The following COL5A1 variants were observed in gnomAD, a reference collection of about 807,000 sequenced individuals.
COL5A1 encodes collagen alpha-1(V) chain.
In COL5A1, 16 loss-of-function variants were observed where a neutral mutation model predicts 263.7. The ratio of observed to expected loss-of-function variants is 0.06; its 90% confidence interval spans 0.04 to 0.09. The LOEUF (loss-of-function observed/expected upper bound fraction) is 0.09, where lower values mean the gene tolerates loss of function less well. COL5A1 is among the 10% of genes least tolerant of loss of function. COL5A1 has a pLI of 1.00. For missense variants in COL5A1, 2,036 were observed against 2,540.5 expected (o/e 0.80, Z 4.27); for synonymous variants, 1,012 against 1,004.5 (o/e 1.01, Z -0.14).
At chr9:134,734,195 A>G (rs1835011140) in intron 9 of COL5A1, among the ~76,000 whole-genome samples, 1 of 152,020 alleles carries the variant, frequency 6.6e-6, no homozygotes, top group South Asian at 2.1e-4. Flanking sequence ...GGCCAAGGAG[A>G]GGGCCGAGAG....
intron 11 of COL5A1, among the ~76,000 whole-genome samples, chr9:134,750,055 C>T (rs1835717087): frequency 6.6e-6 from 1 of 152,184 alleles, no homozygotes; most frequent in African/African-American, 2.4e-5. Context: ...GCTGCTCCAT[C>T]CCGTCTTCCA....
rs1161100448 is a variant in COL5A1 at position 134,822,167 on chromosome 9, G to T, written c.4608+17G>T. Reference sequence around the variant, plus strand: ...GGCCTGCCGGTGTGTATCTGGGAGGGGCTTGGTCATTCCTGGGAGGGCAGG... The same window carrying T: ...GGCCTGCCGGTGTGTATCTGGGAGGTGCTTGGTCATTCCTGGGAGGGCAGG... On this transcript the variant is annotated intron_variant, in intron 59 of 65. Coordinates refer to ENST00000371817, the MANE Select transcript of COL5A1 (RefSeq NM_000093.5). The T allele has an allele frequency of 1.9e-6, 3 of 1,606,618 alleles. No homozygotes were observed. The African/African-American group carries it at 4.0e-5, about 21-fold the overall frequency.
Position 134,696,632 on chromosome 9 carries a change from G to A in COL5A1, c.278-3277G>A, listed in dbSNP as rs867678500. ...ATTAGGGGATCAGTCACTGTTTATT[G>A]ATCACGTGATCCACTGTAGTGAGCA... On this transcript the variant is annotated intron_variant, in intron 2 of 65. Transcript: ENST00000371817. The surrounding 1 kb of genome is among the most constrained non-coding windows in gnomAD (Gnocchi z 4.3). Among the ~76,000 whole-genome samples, 47 of 152,184 alleles carry A rather than the reference G, an allele frequency of 3.1e-4. No individual in the cohort carries two copies. Among genetic ancestry groups the A allele is most frequent in the Admixed American group, 1.6e-3 (25 of 15,272 alleles).
intron 4 of COL5A1, 69 bp downstream of exon 4, chr9:134,701,402 T>G (rs1346591800): frequency 6.6e-7 from 1 of 1,520,410 alleles, no homozygotes. Context: ...CTGTGACTGC[T>G]GTTGGAGGAG....
intron 39 of COL5A1, 33 bp downstream of exon 39, chr9:134,803,028 GCGTTT>G: frequency 6.6e-7 from 1 of 1,521,740 alleles, no homozygotes; most frequent in Non-Finnish European, 9.0e-7. Context: ...GTCAGCTCAG[GCGTTT>G]CCTCAGGAAT....
intron 11 of COL5A1, among the ~76,000 whole-genome samples, chr9:134,749,712 A>G (rs1347216271): frequency 1.3e-5 from 2 of 152,172 alleles, no homozygotes; most frequent in Non-Finnish European, 2.9e-5. Context: ...TAGTTGGTGG[A>G]GGCTTTTCTC....
rs1035591954 is a variant in COL5A1 at position 134,665,280 on chromosome 9, C to T, written c.109+22984C>T. Among the ~76,000 whole-genome samples, 13 of 152,266 alleles carry T rather than the reference C, an allele frequency of 8.5e-5. No individual in the cohort carries two copies. The East Asian group carries it at 1.2e-3, about 14-fold the overall frequency. On this transcript the variant is annotated intron_variant, in intron 1 of 65. Transcript: ENST00000371817. ...TCCCAGAATGTTTCCTGCAGATATA[C>T]GTGTGTGTGGAGAACCGCTGTGCAG...
chr9:134,747,930 CACACATGCATTCAT>C (rs1304051389), intron 11 of COL5A1, among the ~76,000 whole-genome samples: 5 of 145,676 alleles, frequency 3.4e-5, no homozygotes, highest in East Asian at 2.1e-4. Context: ...TGCATTCATA[CACACATGCATTCAT>C]ACACATGCAG....
chr9:134,827,295 A>G (rs1419907608), intron 63 of COL5A1, among the ~76,000 whole-genome samples: 2 of 152,186 alleles, frequency 1.3e-5, no homozygotes, highest in Non-Finnish European at 2.9e-5. Context: ...TTGGGTTAGG[A>G]GCCCACTGGC....
chr9:134,716,608 C>T lies in COL5A1; in HGVS notation c.655-10658C>T, dbSNP rs571164923. Among the ~76,000 whole-genome samples, 13 of 152,238 alleles carry T rather than the reference C, an allele frequency of 8.5e-5. No individual in the cohort carries two copies. The South Asian group carries it at 2.7e-3, about 32-fold the overall frequency. On this transcript the variant is annotated intron_variant, in intron 4 of 65. Coordinates refer to ENST00000371817, the MANE Select transcript of COL5A1 (RefSeq NM_000093.5). The surrounding 1 kb of genome is among the most constrained non-coding windows in gnomAD (Gnocchi z 4.5). ...AAGTCTTTGAGGAGGTGGACCTGCC[C>T]CCCAGCCCCTGCCATTGGTGCTGCC...
chr9:134,764,750 C>T (rs1836596039), intron 20 of COL5A1, among the ~76,000 whole-genome samples: 1 of 152,142 alleles, frequency 6.6e-6, no homozygotes, highest in African/African-American at 2.4e-5. Context: ...AATTATACCC[C>T]AGATGTCTGA....
intron 30 of COL5A1, among the ~76,000 whole-genome samples, chr9:134,785,748 C>T (rs1011895472): frequency 6.6e-6 from 1 of 152,224 alleles, no homozygotes; most frequent in Non-Finnish European, 1.5e-5. Context: ...GGCAAGACCT[C>T]TCCTCCAGGG....
intron 14 of COL5A1, among the ~76,000 whole-genome samples, chr9:134,753,543 G>A (rs529533565): frequency 2.6e-5 from 4 of 152,308 alleles, no homozygotes; most frequent in Non-Finnish European, 4.4e-5. Flanking sequence ...GGGCTGTAAC[G>A]GACCACGGTC....
chr9:134,745,523 G>C (rs571702495), intron 11 of COL5A1, among the ~76,000 whole-genome samples: 1 of 152,132 alleles, frequency 6.6e-6, no homozygotes, highest in Non-Finnish European at 1.5e-5. Flanking sequence ...AGCCCCTCCT[G>C]TGGATTTTCT....
rs76745444 is a variant in COL5A1 at position 134,658,786 on chromosome 9, G to A, written c.109+16490G>A. 1.6e-3 allele frequency among the ~76,000 whole-genome samples: 249 copies of A among 152,322 alleles called. 4 individuals are homozygous for A. The East Asian group carries it at 0.04, about 25-fold the overall frequency. On this transcript the variant is annotated intron_variant, in intron 1 of 65. Coordinates refer to ENST00000371817, the MANE Select transcript of COL5A1 (RefSeq NM_000093.5). The stretch of plus-strand genomic sequence containing the variant: ...GCTCTGGCTCCAGGCCTGGAGGGGA[G>A]GGGCTGCTGGGCTCCAGGTGGGCTC...
chr9:134,685,374 CCCATCCATTCA>C, intron 1 of COL5A1, among the ~76,000 whole-genome samples: 1 of 45,962 alleles, frequency 2.2e-5, no homozygotes, highest in Admixed American at 2.2e-4. Context: ...CATCCATTCA[CCCATCCATTCA>C]TCCATCCATC....
chr9:134,712,257 C>G (rs1471756065), intron 4 of COL5A1, among the ~76,000 whole-genome samples: 1 of 35,154 alleles, frequency 2.8e-5, no homozygotes, highest in Non-Finnish European at 5.7e-5. Flanking sequence ...TCCTTCCTCC[C>G]CCCTCCTTCC....
chr9:134,838,354 G>A (rs1839914237), intron 65 of COL5A1, among the ~76,000 whole-genome samples: 1 of 152,236 alleles, frequency 6.6e-6, no homozygotes, highest in Admixed American at 6.5e-5. Flanking sequence ...AAGGTGTGAA[G>A]GGAGCGCAGA....
intron 1 of COL5A1, among the ~76,000 whole-genome samples, chr9:134,656,783 C>T (rs1030752561): frequency 1.3e-5 from 2 of 151,190 alleles, no homozygotes; most frequent in African/African-American, 4.9e-5. Context: ...GAAAGAAGGA[C>T]TAAAGCTGCT....
Sources: allele counts gnomAD v4.1 joint callset (sites outside exome capture counted in the v4.1 genomes callset), GRCh38; gene constraint gnomAD v4.1.1; non-coding constraint Gnocchi (gnomAD v3.1); transcripts MANE v1.5; gene names NCBI Gene and HGNC (gene_info 2026-07-23, HGNC 2026-07-21).